The following ZNF600 variants were observed in gnomAD, a reference collection of about 807,000 sequenced individuals.
ZNF600 encodes the protein zinc finger protein KR-ZNF1.
In ZNF600, 4 loss-of-function variants were observed where a neutral mutation model predicts 7.3. The ratio of observed to expected loss-of-function variants is 0.55; its 90% CI spans 0.27 to 1.25. ZNF600 has a LOEUF of 1.25. Among genes scored for constraint, ZNF600 ranks in the 50% most tolerant of loss-of-function variants. The pLI is 0.12. For synonymous variants in ZNF600, 290 were observed against 308.9 expected (o/e 0.94, Z 0.64); for missense variants, 911 against 922.1 (o/e 0.99, Z 0.16).
At chr19:52,827,893 G>C in the ZNF600 span, among the ~76,000 whole-genome samples, 4 of 152,026 alleles carry the variant, frequency 2.6e-5, 1 homozygote, top group South Asian at 8.3e-4. Flanking sequence ...AGAAGGCATG[G>C]GTGAGTGCGA....
intron 2 of ZNF600, among the ~76,000 whole-genome samples, chr19:52,776,848 G>A (rs559227390): frequency 3.8e-4 from 58 of 152,088 alleles, no homozygotes; most frequent in African/African-American, 1.1e-3. Flanking sequence ...ACATCACGGC[G>A]TTACCCACGT....
rs184843108 is a variant in ZNF600 at position 52,782,092 on chromosome 19, G to C, written c.-19-3185C>G. The stretch of plus-strand genomic sequence containing the variant: ...TATATCTAAACATTAGCCAGGCCTC[G>C]TGGGGCGTGCCTGTGGTCCCAGCTA... On this transcript the variant is annotated intron_variant, in intron 1 of 3. Transcript: ENST00000648973. Among the ~76,000 whole-genome samples, 269 of 151,990 alleles carry C rather than the reference G, an allele frequency of 1.8e-3. 3 individuals carry two copies. Among genetic ancestry groups the C allele is most frequent in the African/African-American group, 6.2e-3 (256 of 41,440 alleles).
At chr19:52,811,974 AG>A in the ZNF600 span, among the ~76,000 whole-genome samples, 1 of 35,250 alleles carries the variant, frequency 2.8e-5, no homozygotes, top group African/African-American at 1.3e-4. Context: ...GGAAGTGAGG[AG>A]CCCCTCTGCC....
At chr19:52,806,856 C>A in the ZNF600 span, among the ~76,000 whole-genome samples, 1 of 151,960 alleles carries the variant, frequency 6.6e-6, no homozygotes, top group Non-Finnish European at 1.5e-5. Context: ...TAGCCAAGAT[C>A]GTACCAGTGC....
chr19:52,789,747 AT>A (rs1193588557), upstream of ZNF600, among the ~76,000 whole-genome samples: 1 of 152,216 alleles, frequency 6.6e-6, no homozygotes, highest in East Asian at 1.9e-4. Context: ...ATTAAAAAAA[AT>A]ATGAAAAATA....
At chr19:52,764,587 G>A (rs955982957) in exon 4 of ZNF600, 1 of 145,290 alleles carries the variant, frequency 6.9e-6, no homozygotes, top group African/African-American at 2.6e-5. Context: ...GCACGATGTT[G>A]GCTCCCTGCA....
the ZNF600 span, among the ~76,000 whole-genome samples, chr19:52,831,259 C>T: frequency 4.6e-5 from 7 of 152,204 alleles, no homozygotes; most frequent in South Asian, 8.3e-4. Flanking sequence ...ACAGACTGAG[C>T]GCAGTGGCTC....
At chr19:52,824,656 T>G in the ZNF600 span, among the ~76,000 whole-genome samples, 5 of 151,748 alleles carry the variant, frequency 3.3e-5, no homozygotes, top group Admixed American at 6.6e-5. Context: ...ATAACTAACT[T>G]TAAAGACGAA....
the ZNF600 span, among the ~76,000 whole-genome samples, chr19:52,832,548 T>G: frequency 0.035 from 5,324 of 151,354 alleles, 128 homozygotes; most frequent in Non-Finnish European, 0.043. Flanking sequence ...TCAGCTGAGA[T>G]CCCATCACTG....
chr19:52,778,986 G>C, intron 1 of ZNF600, 79 bp from the exon 4 acceptor site: 1 of 1,340,978 alleles, frequency 7.5e-7, no homozygotes. Context: ...GAACAGGGGA[G>C]ACCTCACCCA....
At chr19:52,801,341 G>C in the ZNF600 span, 2 of 1,614,138 alleles carry the variant, frequency 1.2e-6, no homozygotes, top group African/African-American at 2.7e-5. Flanking sequence ...AAGCATTGTT[G>C]ATAGACTTCT....
chr19:52,786,661 C>G, exon 1 of ZNF600: 1 of 211,370 alleles, frequency 4.7e-6, no homozygotes, highest in Non-Finnish European at 1.1e-5. Context: ...GTGGGGATCC[C>G]ACGTCCCAGG....
chr19:52,806,936 G>A, the ZNF600 span, among the ~76,000 whole-genome samples: 2 of 152,040 alleles, frequency 1.3e-5, no homozygotes, highest in African/African-American at 2.4e-5. Flanking sequence ...GAAAGAAAGA[G>A]CAGAGAGATA....
the ZNF600 span, chr19:52,799,383 T>C: frequency 3.3e-6 from 2 of 600,768 alleles, no homozygotes; most frequent in Non-Finnish European, 3.0e-6. Flanking sequence ...CATTTTCTTA[T>C]GTGTTTCAAG....
the ZNF600 span, chr19:52,810,088 GAGCCACCGGC>G: frequency 5.2e-6 from 4 of 774,830 alleles, no homozygotes; most frequent in Non-Finnish European, 6.9e-6. Flanking sequence ...CCTCGTTCAG[GAGCCACCGGC>G]AGCCAAGAGG....
chr19:52,769,471 C>A (rs2062615374), intron 3 of ZNF600, among the ~76,000 whole-genome samples: 2 of 152,192 alleles, frequency 1.3e-5, no homozygotes, highest in African/African-American at 4.8e-5. Flanking sequence ...GAAGGGCCCC[C>A]TGTCTAGTGG....
intron 1 of ZNF600, among the ~76,000 whole-genome samples, chr19:52,785,620 T>G (rs12973596): frequency 6.6e-6 from 1 of 151,898 alleles, no homozygotes; most frequent in African/African-American, 2.4e-5. Flanking sequence ...TTACAGCCTC[T>G]TCTCTTATCT....
chr19:52,777,294 CT>C (rs1255886836), intron 2 of ZNF600, among the ~76,000 whole-genome samples: 2 of 152,148 alleles, frequency 1.3e-5, no homozygotes, highest in Non-Finnish European at 1.5e-5. Flanking sequence ...AAAAGAATTG[CT>C]TGAAGCCAGA....
chr19:52,773,470 T>C (rs2062647437), intron 3 of ZNF600, among the ~76,000 whole-genome samples: 1 of 149,358 alleles, frequency 6.7e-6, no homozygotes, highest in East Asian at 2.0e-4. Context: ...CAGAAATGTG[T>C]ACACACAAAA....
Sources: allele counts gnomAD v4.1 joint callset (sites outside exome capture counted in the v4.1 genomes callset), GRCh38; gene constraint gnomAD v4.1.1; transcripts MANE v1.5; gene names NCBI Gene and HGNC (gene_info 2026-07-23, HGNC 2026-07-21).